The following ABCC4 variants were observed in gnomAD, a reference collection of about 807,000 sequenced individuals.
ABCC4 encodes the protein ATP binding cassette subfamily C member 4 (PEL blood group).
Under a neutral mutation model 168.5 loss-of-function variants are expected in ABCC4, and 102 were observed. The ratio of observed to expected loss-of-function variants is 0.61; its 90% CI spans 0.52 to 0.71. The LOEUF is 0.71. Ranked by LOEUF, ABCC4 falls within the 30% of genes least tolerant of loss-of-function variation. The pLI is 0.00. For synonymous variants in ABCC4, 617 were observed against 590.7 expected (o/e 1.04, Z -0.65); for missense variants, 1,402 against 1,605.8 (o/e 0.87, Z 2.17).
In ABCC4 at chr13:95,286,264, C is replaced by G. The variant is rs1419101198; in HGVS notation, c.74+14977G>C. ...CCTCCCCAGAAGCTGGGATTACAGG[C>G]GCCCACCACCACACTCAGCTAATTT... On this transcript the variant is annotated intron_variant, in intron 1 of 30. Transcript: ENST00000645237. Among the ~76,000 whole-genome samples the G allele has an allele frequency of 2.0e-5, 3 of 151,786 alleles. No individual in the cohort carries two copies. In the South Asian group the frequency reaches 6.3e-4, roughly 32 times the overall value.
chr13:95,280,488 A>G (rs2041090262), intron 1 of ABCC4, among the ~76,000 whole-genome samples: 1 of 151,070 alleles, frequency 6.6e-6, no homozygotes, highest in Admixed American at 6.6e-5. Flanking sequence ...GTTCAATCCA[A>G]TCAACAAAAC....
chr13:95,112,621 T>C (rs989960689), intron 20 of ABCC4, among the ~76,000 whole-genome samples: 1 of 152,194 alleles, frequency 6.6e-6, no homozygotes, highest in Non-Finnish European at 1.5e-5. Flanking sequence ...TGATACGTAG[T>C]TCCCCTGTCG....
At position 95,040,051 on chromosome 13, in the gene ABCC4, C is replaced by T. The variant is rs368573848; in HGVS notation, c.3735+3631G>A. Among the ~76,000 whole-genome samples the T allele has an allele frequency of 2.0e-4, 31 of 152,192 alleles. No homozygotes were observed. In the East Asian group the frequency reaches 4.1e-3, roughly 20 times the overall value. On this transcript the variant is annotated intron_variant, in intron 29 of 30. Coordinates refer to ENST00000645237, the MANE Select transcript of ABCC4 (RefSeq NM_005845.5). ...GGTTCCCTCACTGGTAAAATGGGTG[C>T]CTGTGACTCTTCTCTGGGACAAGAT...
chr13:95,157,650 G>A (rs1304853231), intron 19 of ABCC4, among the ~76,000 whole-genome samples: 4 of 152,172 alleles, frequency 2.6e-5, no homozygotes, highest in Non-Finnish European at 4.4e-5. Context: ...TCAGGTTAAC[G>A]AAAGGCCAGT....
At chr13:95,082,314 A>C (rs1432927633) in intron 21 of ABCC4, among the ~76,000 whole-genome samples, 1 of 152,236 alleles carries the variant, frequency 6.6e-6, no homozygotes, top group African/African-American at 2.4e-5. Flanking sequence ...GTGCATGCAT[A>C]ATGAGATGAA....
intron 1 of ABCC4, among the ~76,000 whole-genome samples, chr13:95,248,925 A>G (rs2040185000): frequency 6.6e-6 from 1 of 152,174 alleles, no homozygotes; most frequent in Admixed American, 6.5e-5. Flanking sequence ...CTGTAATCCC[A>G]GCTACTCGGG....
chr13:95,021,808 T>C, intron 30 of ABCC4, 126 bp from the exon 31 acceptor site: 2 of 674,498 alleles, frequency 3.0e-6, no homozygotes, highest in Non-Finnish European at 5.0e-6. Context: ...GAGGCACAAT[T>C]TAAGAACAGG....
chr13:95,092,817 T>C (rs1020295021), intron 20 of ABCC4, among the ~76,000 whole-genome samples: 1 of 151,940 alleles, frequency 6.6e-6, no homozygotes. Context: ...GTAAATAAAA[T>C]TGATAGGCCA....
intron 20 of ABCC4, among the ~76,000 whole-genome samples, chr13:95,114,804 C>T (rs1201335454): frequency 1.3e-5 from 2 of 152,252 alleles, no homozygotes; most frequent in East Asian, 3.9e-4. Context: ...AATTTTGCTT[C>T]CTTTATAACT....
intron 7 of ABCC4, among the ~76,000 whole-genome samples, chr13:95,207,475 T>C (rs143025499): frequency 3.9e-5 from 6 of 152,382 alleles, no homozygotes; most frequent in South Asian, 4.1e-4. Context: ...ATATAAATTA[T>C]AGTTTTATTT....
intron 27 of ABCC4, among the ~76,000 whole-genome samples, chr13:95,048,374 A>G (rs1245322535): frequency 6.6e-6 from 1 of 152,250 alleles, no homozygotes; most frequent in African/African-American, 2.4e-5. Context: ...GCCCATTTCT[A>G]TCATCATAAA....
chr13:95,083,330 T>C lies in ABCC4; in HGVS notation c.2536-40A>G, dbSNP rs370217869. ...GTAGATGCAGGTTTTCCTTATCAAG[T>C]ATTCTTTTCAAAAATACTTGCATGA... On this transcript the variant is annotated intron_variant, in intron 20 of 30. Transcript: ENST00000645237. 11 of 1,603,156 alleles carry C rather than the reference T, an allele frequency of 6.9e-6. No homozygotes were observed. In the African/African-American group the frequency reaches 9.5e-5, roughly 14 times the overall value.
At chr13:95,154,471 T>C (rs2036794024) in intron 19 of ABCC4, among the ~76,000 whole-genome samples, 1 of 152,188 alleles carries the variant, frequency 6.6e-6, no homozygotes, top group South Asian at 2.1e-4. Flanking sequence ...TTTAACCATA[T>C]CCACAACAGA....
chr13:95,059,504 A>G (rs1380467155), intron 26 of ABCC4, among the ~76,000 whole-genome samples: 1 of 152,244 alleles, frequency 6.6e-6, no homozygotes, highest in African/African-American at 2.4e-5. Context: ...AATGCAAAGC[A>G]TTAGAGGGGT....
intron 1 of ABCC4, among the ~76,000 whole-genome samples, chr13:95,270,199 A>G (rs7996898): frequency 0.36 from 55,450 of 151,968 alleles, 11,747 homozygotes; most frequent in African/African-American, 0.59. Context: ...TGTTATCTGT[A>G]GTTGGAAATT....
chr13:95,210,071 A>C (rs1259733754), intron 5 of ABCC4, among the ~76,000 whole-genome samples: 4 of 152,250 alleles, frequency 2.6e-5, no homozygotes, highest in Non-Finnish European at 5.9e-5. Flanking sequence ...CGGAGGCTTT[A>C]GTTCATTCTG....
intron 25 of ABCC4, among the ~76,000 whole-genome samples, chr13:95,065,942 T>C (rs2033523788): frequency 6.6e-6 from 1 of 152,222 alleles, no homozygotes; most frequent in African/African-American, 2.4e-5. Context: ...TGCACTCATT[T>C]CTCAGATTAA....
intron 1 of ABCC4, among the ~76,000 whole-genome samples, chr13:95,282,343 T>C (rs1468704413): frequency 3.3e-5 from 5 of 152,068 alleles, no homozygotes; most frequent in African/African-American, 9.7e-5. Context: ...AAAGTCCCAC[T>C]GAAGGTGGCT....
rs544596227 is a variant in ABCC4, at chr13:95,250,089, C to A, written c.75-2336G>T. The stretch of plus-strand genomic sequence containing the variant: ...AGAGCTAAAGGCTTTTGCCTGATGA[C>A]AAAAGTCAACTTTGACAAGAGACTA... On this transcript the variant is annotated intron_variant, in intron 1 of 30. Transcript: ENST00000645237. Among the ~76,000 whole-genome samples, 15 of 152,284 alleles carry A rather than the reference C, an allele frequency of 9.9e-5. 1 individual carries two copies. In the East Asian group the frequency reaches 2.9e-3, roughly 29 times the overall value.
Sources: gnomAD v4.1 joint callset for allele counts (sites outside exome capture counted in the v4.1 genomes callset) on GRCh38, gnomAD v4.1.1 for gene constraint, MANE v1.5 for transcripts, NCBI Gene and HGNC (gene_info 2026-07-23, HGNC 2026-07-21) for gene names.